FGD4: variants seen among roughly 807,000 people sequenced by gnomAD.
FGD4 encodes FYVE, RhoGEF and PH domain containing 4.
FGD4 carries 42 observed loss-of-function variants against 102.0 expected under a neutral mutation model. That is an observed-to-expected ratio of 0.41 (90% CI 0.32 to 0.53). The LOEUF is 0.53. FGD4 is among the 20% of genes least tolerant of loss of function. FGD4 has a pLI of 0.21. For synonymous variants in FGD4, 380 were observed against 375.7 expected (o/e 1.01, Z -0.13); for missense variants, 902 against 1,078.2 (o/e 0.84, Z 2.29).
At chr12:32,580,022 C>T (rs1393299058) in intron 3 of FGD4, among the ~76,000 whole-genome samples, 4 of 152,182 alleles carry the variant, frequency 2.6e-5, no homozygotes, top group Non-Finnish European at 2.9e-5. Context: ...CCCTTTATCC[C>T]GTTACCTGCA....
intron 4 of FGD4, among the ~76,000 whole-genome samples, chr12:32,587,534 G>T (rs1395598263): frequency 3.3e-5 from 5 of 151,966 alleles, no homozygotes; most frequent in Non-Finnish European, 7.4e-5. Context: ...GGGACTACAG[G>T]CATGCACCAT....
chr12:32,575,349 AG>A (rs1211909135), intron 2 of FGD4, among the ~76,000 whole-genome samples: 1 of 152,196 alleles, frequency 6.6e-6, no homozygotes, highest in Non-Finnish European at 1.5e-5. Context: ...CAGAAGATAA[AG>A]GGTAGCTGGC....
intron 1 of FGD4, among the ~76,000 whole-genome samples, chr12:32,479,993 GTTGC>G (rs1943684948): frequency 6.6e-6 from 1 of 151,376 alleles, no homozygotes; most frequent in Admixed American, 6.6e-5. Flanking sequence ...GTCCTTCCAT[GTTGC>G]TCAGCGTGGT....
chr12:32,609,687 A>T (rs1949020644), intron 8 of FGD4, among the ~76,000 whole-genome samples: 1 of 105,476 alleles, frequency 9.5e-6, no homozygotes, highest in African/African-American at 5.4e-5. Flanking sequence ...GAAATCACAG[A>T]AGAAGGGCTT....
At chr12:32,590,804 C>G (rs1947412291) in intron 4 of FGD4, among the ~76,000 whole-genome samples, 1 of 152,206 alleles carries the variant, frequency 6.6e-6, no homozygotes, top group Non-Finnish European at 1.5e-5. Flanking sequence ...GTGGTTGTCA[C>G]CATCTCTCAC....
chr12:32,580,590 T>G (rs993999575), intron 3 of FGD4, among the ~76,000 whole-genome samples: 1 of 151,966 alleles, frequency 6.6e-6, no homozygotes, highest in Non-Finnish European at 1.5e-5. Context: ...AATCCTAGAT[T>G]AAAATCTGTA....
rs191517777 is a variant in FGD4, at chr12:32,636,680, T to A, written c.2314-1975T>A. Among the ~76,000 whole-genome samples the A allele has an allele frequency of 1.9e-4, 27 of 145,278 alleles. No homozygotes were observed. The East Asian group carries it at 4.7e-3, about 25-fold the overall frequency. ...ATAAAAGTTTAATACTTACTCCTACTTTGTGTGCTTACCAGAAACTGGTAA... is the reference window on the plus strand; with the variant it reads ...ATAAAAGTTTAATACTTACTCCTACATTGTGTGCTTACCAGAAACTGGTAA... On this transcript the variant is annotated intron_variant, in intron 15 of 16. Coordinates refer to ENST00000534526, the MANE Select transcript of FGD4 (RefSeq NM_001370298.3).
At chr12:32,616,063 A>G (rs949164539) in intron 10 of FGD4, among the ~76,000 whole-genome samples, 1 of 152,182 alleles carries the variant, frequency 6.6e-6, no homozygotes, top group East Asian at 1.9e-4. Flanking sequence ...CGTGCTTAAT[A>G]CATCATTCTA....
At chr12:32,579,039 GTTTTTTTT>G (rs35186090) in intron 3 of FGD4, among the ~76,000 whole-genome samples, 19 of 66,148 alleles carry the variant, frequency 2.9e-4, no homozygotes, top group Admixed American at 7.2e-4. Context: ...AACATTAGTG[GTTTTTTTT>G]TTTTTTTTTT....
chr12:32,471,085 A>T (rs750618674), intron 1 of FGD4, among the ~76,000 whole-genome samples: 22 of 152,180 alleles, frequency 1.4e-4, no homozygotes, highest in Non-Finnish European at 1.9e-4. Context: ...TGGACATCGG[A>T]ACCCCAGGTT....
At chr12:32,454,754 T>A (rs1942904732) in intron 1 of FGD4, among the ~76,000 whole-genome samples, 1 of 152,194 alleles carries the variant, frequency 6.6e-6, no homozygotes, top group African/African-American at 2.4e-5. Flanking sequence ...AATATTTTGC[T>A]GGTATCTTAA....
chr12:32,634,311 G>A (rs942247278), intron 15 of FGD4, among the ~76,000 whole-genome samples: 1 of 152,010 alleles, frequency 6.6e-6, no homozygotes, highest in Non-Finnish European at 1.5e-5. Context: ...TCGTCATATT[G>A]GCTTTACAAA....
chr12:32,422,152 A>G (rs1250261371), intron 1 of FGD4, among the ~76,000 whole-genome samples: 1 of 151,658 alleles, frequency 6.6e-6, no homozygotes, highest in Non-Finnish European at 1.5e-5. Flanking sequence ...TCAAAAAAAA[A>G]AAAAGAAAAA....
chr12:32,526,497 C>G (rs1001149855), intron 1 of FGD4, among the ~76,000 whole-genome samples: 1 of 152,286 alleles, frequency 6.6e-6, no homozygotes, highest in Non-Finnish European at 1.5e-5. Flanking sequence ...ACCTTTGTAT[C>G]TAGCTCAGGG....
intron 1 of FGD4, among the ~76,000 whole-genome samples, chr12:32,503,773 A>G (rs919342027): frequency 1.3e-5 from 2 of 152,180 alleles, no homozygotes; most frequent in African/African-American, 4.8e-5. Flanking sequence ...TTTTTCACCC[A>G]TAAATGTCAG....
chr12:32,474,115 G>A (rs1943521057), intron 1 of FGD4, among the ~76,000 whole-genome samples: 1 of 152,016 alleles, frequency 6.6e-6, no homozygotes, highest in Non-Finnish European at 1.5e-5. Context: ...AGTATTCGGG[G>A]CTGTGGAGAA....
At chr12:32,505,192 T>C (rs1339292815) in intron 1 of FGD4, among the ~76,000 whole-genome samples, 1 of 152,178 alleles carries the variant, frequency 6.6e-6, no homozygotes, top group African/African-American at 2.4e-5. Context: ...TTTTTCACAA[T>C]TTTGAGAAAT....
intron 1 of FGD4, among the ~76,000 whole-genome samples, chr12:32,424,313 T>C (rs1239546643): frequency 6.6e-6 from 1 of 151,440 alleles, no homozygotes; most frequent in Non-Finnish European, 1.5e-5. Context: ...AGTGAGAACA[T>C]GCGGTGTTTG....
At chr12:32,405,020 A>G (rs2651371) in intron 1 of FGD4, among the ~76,000 whole-genome samples, 82,408 of 151,596 alleles carry the variant, frequency 0.54, 23,391 homozygotes, top group African/African-American at 0.71. Flanking sequence ...TTCAAGCTCC[A>G]CCTCCCGGGT....
Sources: allele counts gnomAD v4.1 joint callset (sites outside exome capture counted in the v4.1 genomes callset), GRCh38; gene constraint gnomAD v4.1.1; transcripts MANE v1.5; gene names NCBI Gene and HGNC (gene_info 2026-07-23, HGNC 2026-07-21).